USP15: variants seen among roughly 807,000 people sequenced by gnomAD.
USP15 encodes the protein ubiquitin specific peptidase 15.
In USP15, 18 loss-of-function variants were observed where a neutral mutation model predicts 127.1. The observed-to-expected ratio is 0.14, with a 90% CI of 0.10 to 0.21. USP15 has a LOEUF of 0.21. Among genes scored for constraint, USP15 ranks in the 10% least tolerant of loss-of-function variants. The pLI is 1.00. For missense variants in USP15, 805 were observed against 1,159.9 expected, an observed-to-expected ratio of 0.69 and a Z score of 4.44; for synonymous variants, 364 against 393.7, an observed-to-expected ratio of 0.92 and a Z score of 0.89.
intron 8 of USP15, among the ~76,000 whole-genome samples, chr12:62,363,722 C>G (rs905125241): frequency 1.3e-5 from 2 of 152,086 alleles, no homozygotes; most frequent in Admixed American, 1.3e-4. Context: ...CTCTCCCTCT[C>G]TCCCATGACT....
intron 1 of USP15, among the ~76,000 whole-genome samples, chr12:62,272,290 T>C (rs1338131208): frequency 1.3e-5 from 2 of 151,962 alleles, no homozygotes; most frequent in Non-Finnish European, 2.9e-5. Context: ...TGGATTAGGC[T>C]GAGATTTTTG....
chr12:62,376,420 G>A (rs1357708045), intron 8 of USP15, among the ~76,000 whole-genome samples: 2 of 152,160 alleles, frequency 1.3e-5, no homozygotes, highest in African/African-American at 4.8e-5. Flanking sequence ...TGTGGCTTAA[G>A]AAATATGTTT....
intron 1 of USP15, among the ~76,000 whole-genome samples, chr12:62,279,951 A>G (rs1158343022): frequency 6.6e-5 from 10 of 152,070 alleles, no homozygotes; most frequent in Admixed American, 5.2e-4. Context: ...ACTTCTCTCT[A>G]TGCCAATATC....
chr12:62,356,449 G>T (rs1414887200), intron 8 of USP15, among the ~76,000 whole-genome samples: 1 of 151,866 alleles, frequency 6.6e-6, no homozygotes, highest in Non-Finnish European at 1.5e-5. Context: ...TCATACAGCT[G>T]TTTCCTAAAT....
chr12:62,363,018 A>G (rs765977201), intron 8 of USP15, among the ~76,000 whole-genome samples: 2 of 152,194 alleles, frequency 1.3e-5, no homozygotes, highest in African/African-American at 2.4e-5. Context: ...GGAATAATGT[A>G]TGAAGGGGAG....
At position 62,395,559 on chromosome 12, in the gene USP15, A is replaced by G. The variant is rs527896490; in HGVS notation, c.2571-736A>G. ...AATTAAGTTATTATTGACTATAGTCACCCTGTTGTGTGATCAAATAGTATG... is the reference window on the plus strand; with the variant it reads ...AATTAAGTTATTATTGACTATAGTCGCCCTGTTGTGTGATCAAATAGTATG... On this transcript the variant is annotated intron_variant, in intron 19 of 21. Transcript: ENST00000280377. Among the ~76,000 whole-genome samples the G allele has an allele frequency of 2.0e-5, 3 of 150,658 alleles. No homozygotes were observed. The South Asian group carries it at 6.3e-4, about 32-fold the overall frequency.
chr12:62,367,626 T>C (rs939551020), intron 8 of USP15, among the ~76,000 whole-genome samples: 5 of 152,180 alleles, frequency 3.3e-5, no homozygotes, highest in African/African-American at 1.2e-4. Context: ...CTGATGGTAG[T>C]TTTTATTTCT....
chr12:62,324,705 A>C lies in USP15; in HGVS notation c.622-1167A>C, dbSNP rs529023472. 1.2e-4 allele frequency among the ~76,000 whole-genome samples: 18 copies of C among 152,094 alleles called. No individual in the cohort carries two copies. In the South Asian group the frequency reaches 3.3e-3, roughly 28 times the overall value. Reference sequence around the variant, plus strand: ...TACACTTTTTAATGTGTGAAATAATAGATTTTTTAAAGCTAACTTTAATAT... The same window carrying C: ...TACACTTTTTAATGTGTGAAATAATCGATTTTTTAAAGCTAACTTTAATAT... On this transcript the variant is annotated intron_variant, in intron 5 of 21. Coordinates refer to ENST00000280377, the MANE Select transcript of USP15 (RefSeq NM_001252078.2).
chr12:62,367,254 T>G (rs2066509150), intron 8 of USP15, among the ~76,000 whole-genome samples: 2 of 152,044 alleles, frequency 1.3e-5, no homozygotes. Flanking sequence ...TTTTTTGAGA[T>G]GGAGTCTCAC....
chr12:62,311,706 A>G (rs915776476), intron 3 of USP15, among the ~76,000 whole-genome samples: 1 of 151,740 alleles, frequency 6.6e-6, no homozygotes, highest in African/African-American at 2.4e-5. Context: ...GTTCAGAGTG[A>G]GTGTATGTCA....
rs537813607 is a variant in USP15 at position 62,415,011 on chromosome 12, A to G, written c.*10636A>G. 8.9e-6 allele frequency: 1 copy of G among 112,826 alleles called. No homozygotes were observed. The highest frequency in any genetic ancestry group is 1.9e-5 in the Non-Finnish European group (1 of 52,814). The allele number at this position is 112,826 out of a possible 1,614,324, so 7.0% of individuals were successfully genotyped here. A position where few individuals can be genotyped will look rare whatever the true frequency, so the allele number is the denominator to read the frequency against. ...ATCATATATGTACATATATATATAT[A>G]TATATGAGGGAGAGAAAGATTTATA... On this transcript the variant is annotated 3_prime_UTR_variant, in exon 22 of 22. Coordinates refer to ENST00000280377, the MANE Select transcript of USP15 (RefSeq NM_001252078.2).
At chr12:62,370,857 T>C (rs1480469196) in intron 8 of USP15, among the ~76,000 whole-genome samples, 1 of 152,216 alleles carries the variant, frequency 6.6e-6, no homozygotes, top group African/African-American at 2.4e-5. Context: ...CTACTTACAC[T>C]AATCTTGATT....
intron 8 of USP15, among the ~76,000 whole-genome samples, chr12:62,376,332 A>T (rs949078031): frequency 6.6e-6 from 1 of 152,024 alleles, no homozygotes; most frequent in African/African-American, 2.4e-5. Context: ...TAGTCTGGCT[A>T]TTGCTTTATT....
chr12:62,333,378 C>T lies in USP15; in HGVS notation c.683+7445C>T, dbSNP rs183670890. 3.3e-5 allele frequency among the ~76,000 whole-genome samples: 5 copies of T among 152,270 alleles called. No homozygotes were observed. In the East Asian group the frequency reaches 9.7e-4, roughly 29 times the overall value. On this transcript the variant is annotated intron_variant, in intron 6 of 21. Coordinates refer to ENST00000280377, the MANE Select transcript of USP15 (RefSeq NM_001252078.2). ...AATTCCCAGGCTCAGGTGATCCTCCCACCTCAGCCTCCCAAGTAGCTGGGA... is the reference window on the plus strand; with the variant it reads ...AATTCCCAGGCTCAGGTGATCCTCCTACCTCAGCCTCCCAAGTAGCTGGGA...
At chr12:62,331,250 TAGAA>T (rs775174220) in intron 6 of USP15, among the ~76,000 whole-genome samples, 37 of 152,298 alleles carry the variant, frequency 2.4e-4, no homozygotes, top group South Asian at 1.2e-3. Context: ...AATATGGTGA[TAGAA>T]AGAAGAATCA....
At chr12:62,291,055 G>A (rs983415616) in intron 1 of USP15, among the ~76,000 whole-genome samples, 8 of 152,180 alleles carry the variant, frequency 5.3e-5, no homozygotes, top group Non-Finnish European at 7.4e-5. Context: ...ACAGTCTGAT[G>A]ACTCTATGTC....
At chr12:62,385,033 T>A (rs981987074) in intron 11 of USP15, among the ~76,000 whole-genome samples, 12 of 151,948 alleles carry the variant, frequency 7.9e-5, no homozygotes, top group African/African-American at 2.7e-4. Context: ...TACCTCTCTT[T>A]CCCTAAATTC....
intron 3 of USP15, among the ~76,000 whole-genome samples, chr12:62,308,878 A>G (rs150654267): frequency 1.0e-3 from 156 of 152,270 alleles, no homozygotes; most frequent in Middle Eastern, 6.8e-3. Flanking sequence ...GGAAAAATAT[A>G]CTTTTAAGTA....
rs535868317 is a variant in USP15, at chr12:62,404,136, T to A, written c.2764-57T>A. ...TTGGTGACCAGCTAAAAATTCATAATGTATTTAACGTGATCTTTGAGAATC... is the reference window on the plus strand; with the variant it reads ...TTGGTGACCAGCTAAAAATTCATAAAGTATTTAACGTGATCTTTGAGAATC... On this transcript the variant is annotated intron_variant, in intron 21 of 21. Coordinates refer to ENST00000280377, the MANE Select transcript of USP15 (RefSeq NM_001252078.2). 43 of 1,389,026 alleles carry A rather than the reference T, an allele frequency of 3.1e-5. 1 individual carries two copies. The African/African-American group carries it at 5.0e-4, about 16-fold the overall frequency. The allele number at this position is 1,389,026 out of a possible 1,614,324, so 86.0% of individuals were successfully genotyped here.
Sources: gnomAD v4.1 joint callset for allele counts (sites outside exome capture counted in the v4.1 genomes callset) on GRCh38, gnomAD v4.1.1 for gene constraint, MANE v1.5 for transcripts, NCBI Gene and HGNC (gene_info 2026-07-23, HGNC 2026-07-21) for gene names.